The following LMAN1 variants were observed in gnomAD, a reference collection of about 807,000 sequenced individuals.
The protein encoded by LMAN1 is lectin, mannose binding 1.
Under a neutral mutation model 67.8 loss-of-function variants are expected in LMAN1, and 32 were observed. The observed-to-expected ratio is 0.47, with a 90% CI of 0.36 to 0.63. LMAN1 has a LOEUF of 0.63. Ranked by LOEUF, LMAN1 falls within the 30% of genes least tolerant of loss-of-function variation. The pLI is 0.00. For synonymous variants in LMAN1, 235 were observed against 219.3 expected (o/e 1.07, Z -0.63); for missense variants, 632 against 628.2 (o/e 1.01, Z -0.06).
chr18:59,357,540 G>A (rs1348760819), intron 1 of LMAN1, among the ~76,000 whole-genome samples: 2 of 152,156 alleles, frequency 1.3e-5, no homozygotes, highest in Admixed American at 6.5e-5. Context: ...CAAGAATAGA[G>A]ATACCTTGAT....
intron 1 of LMAN1, among the ~76,000 whole-genome samples, 169 bp downstream of exon 1, chr18:59,358,862 C>G (rs1908725296): frequency 1.3e-5 from 2 of 152,044 alleles, no homozygotes; most frequent in Admixed American, 1.3e-4. Context: ...ACCGTGCGAA[C>G]CAGGAGGGAC....
intron 12 of LMAN1, 117 bp from the exon 13 acceptor site, chr18:59,331,246 T>G: frequency 9.4e-7 from 1 of 1,065,422 alleles, no homozygotes; most frequent in Non-Finnish European, 1.4e-6. Flanking sequence ...CGCATTAAGA[T>G]AAACATATAT....
chr18:59,355,451 G>C (rs377134259), intron 2 of LMAN1, 31 bp from the exon 3 acceptor site: 1 of 1,613,626 alleles, frequency 6.2e-7, no homozygotes, highest in Admixed American at 1.7e-5. Flanking sequence ...ACAGTTAGAG[G>C]CTAGTGGTAT....
intron 10 of LMAN1, among the ~76,000 whole-genome samples, chr18:59,338,330 A>C (rs1016631929): frequency 6.6e-6 from 1 of 152,192 alleles, no homozygotes; most frequent in Admixed American, 6.5e-5. Flanking sequence ...AAGATGCCAA[A>C]ACATTTTTTC....
intron 4 of LMAN1, 115 bp from the exon 5 acceptor site, chr18:59,353,416 T>C: frequency 2.5e-6 from 2 of 804,614 alleles, no homozygotes; most frequent in Non-Finnish European, 4.3e-6. Flanking sequence ...CTTTATGTTA[T>C]TTACTCAAAA....
chr18:59,337,004 G>GT (rs1908174038), intron 10 of LMAN1, among the ~76,000 whole-genome samples: 1 of 151,650 alleles, frequency 6.6e-6, no homozygotes, highest in Admixed American at 6.6e-5. Context: ...TGAGCAGAAG[G>GT]TTGAAATGGA....
chr18:59,329,760 G>A lies in LMAN1; in HGVS notation c.*1333C>T, dbSNP rs2144205612. On this transcript the variant is annotated 3_prime_UTR_variant, in exon 13 of 13. Transcript: ENST00000251047. ...TGACATTTGAGAGCAAACCTAGGGA[G>A]GCTTGGAATAATTCAACAGTACTAT... 6.6e-6 allele frequency: 1 copy of A among 152,202 alleles called. No homozygotes were observed. Among genetic ancestry groups the A allele is most frequent in the East Asian group, 1.9e-4 (1 of 5,180 alleles). 9.4% of individuals were successfully genotyped at this position (152,202 alleles called of 1,614,324 possible).
intron 11 of LMAN1, 167 bp from the exon 12 acceptor site, chr18:59,331,706 AAGG>A: frequency 1.4e-6 from 1 of 696,710 alleles, no homozygotes; most frequent in Non-Finnish European, 2.4e-6. Context: ...ACTGTTTTTG[AAGG>A]AGTAGTTGAC....
At chr18:59,355,222 G>A in intron 3 of LMAN1, 91 bp downstream of exon 3, 2 of 962,768 alleles carry the variant, frequency 2.1e-6, no homozygotes, top group Non-Finnish European at 3.3e-6. Flanking sequence ...CTATCAAACT[G>A]ATGAAAGCAT....
rs746603662 is a variant in LMAN1 at position 59,349,123 on chromosome 18, T to G, written c.753A>C (p.Gly251=). 11 of 1,614,048 alleles carry G rather than the reference T, an allele frequency of 6.8e-6. No individual in the cohort carries two copies. Among genetic ancestry groups the G allele is most frequent in the Non-Finnish European group, 9.3e-6 (11 of 1,179,928 alleles). ...GACTGCAAGATTTACCTGCAAGACC[T>G]CCAGTTGCAGCAGATATTCCAAAAT... ...QGHFGISAAT[G]GLADDHDVLS... is the part of the protein sequence containing the mutation. The change falls in exon 6 of 13, where the codon GGA becomes GGC. Residue 251 remains glycine, a synonymous_variant. Coordinates refer to ENST00000251047, the MANE Select transcript of LMAN1 (RefSeq NM_005570.4).
chr18:59,338,196 G>A (rs986888472), intron 10 of LMAN1, among the ~76,000 whole-genome samples: 4 of 152,050 alleles, frequency 2.6e-5, no homozygotes, highest in African/African-American at 7.2e-5. Flanking sequence ...GTCTTACAAT[G>A]CTACACATAT....
Position 59,331,627 on chromosome 18 carries a change from C to T in LMAN1, c.1375-88G>A, listed in dbSNP as rs893179881. On this transcript the variant is annotated intron_variant, in intron 11 of 12. Transcript: ENST00000251047. ...TGTGAAATCTTTATAAAACTGTTTG[C>T]TATATAAACAAGTATTTTCATTTTT... 7.0e-6 allele frequency: 10 copies of T among 1,421,250 alleles called. No homozygotes were observed. In the East Asian group the frequency reaches 9.2e-5, roughly 13 times the overall value. 88.0% of individuals were successfully genotyped at this position (1,421,250 alleles called of 1,614,324 possible). A position where few individuals can be genotyped will look rare whatever the true frequency, so the allele number is the denominator to read the frequency against.
At chr18:59,358,173 C>G (rs1453253378) in intron 1 of LMAN1, among the ~76,000 whole-genome samples, 1 of 152,170 alleles carries the variant, frequency 6.6e-6, no homozygotes, top group East Asian at 1.9e-4. Context: ...TGTTTTCTTT[C>G]ACGTAAGTAA....
rs763331533 is a variant in LMAN1 at position 59,359,229 on chromosome 18, G to A, written c.16C>T (p.Gln6Ter). Residue 6 changes from glutamine to a stop codon, truncating the protein, a stop_gained, in exon 1 of 13, where the codon CAA becomes TAA. Transcript: ENST00000251047. LOFTEE classifies it high-confidence loss of function. MAGSR[Q>*]RGLRARVRPL... Reference sequence around the variant, plus strand: ...CGAACTCTGGCCCGGAGACCCCTTTGCCTGGATCCCGCCATCTTGGATTCT... The same window carrying A: ...CGAACTCTGGCCCGGAGACCCCTTTACCTGGATCCCGCCATCTTGGATTCT... The A allele has an allele frequency of 1.9e-6, 3 of 1,613,822 alleles. No homozygotes were observed. Among genetic ancestry groups the A allele is most frequent in the Non-Finnish European group, 8.5e-7 (1 of 1,179,804 alleles).
chr18:59,344,587 T>C (rs1313884485), intron 8 of LMAN1, among the ~76,000 whole-genome samples: 1 of 151,740 alleles, frequency 6.6e-6, no homozygotes, highest in Non-Finnish European at 1.5e-5. Context: ...TTCTCACTTA[T>C]AAGTAAAAGC....
chr18:59,345,318 T>C (rs1908375105), intron 8 of LMAN1, among the ~76,000 whole-genome samples: 1 of 152,150 alleles, frequency 6.6e-6, no homozygotes, highest in Non-Finnish European at 1.5e-5. Flanking sequence ...CCTTAAAATG[T>C]TTTATTTTTG....
rs751027855 is a variant in LMAN1, at chr18:59,357,843, T to G, written c.214+1188A>C. Among the ~76,000 whole-genome samples the G allele has an allele frequency of 3.3e-5, 5 of 151,462 alleles. No homozygotes were observed. The Admixed American group carries it at 3.3e-4, about 10-fold the overall frequency. ...TTACTTATGGGGGAGGTGGGAGGGA[T>G]AGCATTAGGAGATATACCTAATGTT... On this transcript the variant is annotated intron_variant, in intron 1 of 12. Transcript: ENST00000251047.
chr18:59,355,072 G>A (rs561402699), intron 3 of LMAN1, among the ~76,000 whole-genome samples: 1 of 152,262 alleles, frequency 6.6e-6, no homozygotes, highest in Admixed American at 6.5e-5. Context: ...AGGGGTCACT[G>A]CAAAGTTCTG....
chr18:59,358,990 G>T (rs372000950), intron 1 of LMAN1, 41 bp downstream of exon 1: 56 of 1,588,370 alleles, frequency 3.5e-5, no homozygotes, highest in East Asian at 4.5e-5. Flanking sequence ...GCAGCAGAAG[G>T]GGGAGAGGAA....
Sources: allele counts gnomAD v4.1 joint callset (sites outside exome capture counted in the v4.1 genomes callset), GRCh38; gene constraint gnomAD v4.1.1; transcripts MANE v1.5; gene names NCBI Gene and HGNC (gene_info 2026-07-23, HGNC 2026-07-21).